FBXO34: variants seen among roughly 807,000 people sequenced by gnomAD.
FBXO34 encodes the protein F-box only protein 34.
FBXO34 carries 12 observed loss-of-function variants against 24.5 expected under a neutral mutation model. The ratio of observed to expected loss-of-function variants is 0.49; its 90% CI spans 0.31 to 0.79. The LOEUF (loss-of-function observed/expected upper bound fraction) is 0.79. FBXO34 is among the 30% of genes least tolerant of loss of function. The pLI, the probability that FBXO34 is intolerant of heterozygous loss-of-function variation, is 0.04. For synonymous variants in FBXO34, 320 were observed against 311.9 expected (o/e 1.03, Z -0.27); for missense variants, 823 against 857.7 (o/e 0.96, Z 0.51).
chr14:55,321,851 CT>C (rs1302690787), intron 1 of FBXO34, among the ~76,000 whole-genome samples: 3 of 152,238 alleles, frequency 2.0e-5, no homozygotes, highest in Non-Finnish European at 4.4e-5. Context: ...AAATACTCAT[CT>C]TTAGTGGACC....
intron 1 of FBXO34, among the ~76,000 whole-genome samples, chr14:55,339,958 G>A (rs1190117186): frequency 6.6e-6 from 1 of 152,124 alleles, no homozygotes; most frequent in Non-Finnish European, 1.5e-5. Context: ...ACACTATGGG[G>A]CCTATTTCTG....
chr14:55,380,674 G>C, the FBXO34 span: 1 of 1,604,368 alleles, frequency 6.2e-7, no homozygotes, highest in Non-Finnish European at 8.5e-7. Context: ...TGTAGGCAGG[G>C]TTACTCTGCT....
At chr14:55,391,141 T>C in the FBXO34 span, 1 of 571,054 alleles carries the variant, frequency 1.8e-6, no homozygotes, top group Non-Finnish European at 3.0e-6. Context: ...CTATGGAACA[T>C]TACGAAAAAG....
At chr14:55,321,939 TTTGTGATCAGAAATTCAAACCACATTGA>T (rs1468045370) in intron 1 of FBXO34, among the ~76,000 whole-genome samples, 9 of 152,244 alleles carry the variant, frequency 5.9e-5, no homozygotes, top group Non-Finnish European at 1.2e-4. Context: ...TTAACATGTA[TTTGTGATCAGAAATTCAAACCACATTGA>T]AATAGCTGCA....
the FBXO34 span, chr14:55,435,939 A>C: frequency 6.4e-7 from 1 of 1,555,130 alleles, no homozygotes; most frequent in Non-Finnish European, 8.7e-7. Flanking sequence ...ATATTCCTGA[A>C]GAAATAAGTC....
At chr14:55,278,184 A>G (rs1475981727) in intron 1 of FBXO34, among the ~76,000 whole-genome samples, 1 of 152,200 alleles carries the variant, frequency 6.6e-6, no homozygotes, top group Admixed American at 6.5e-5. Flanking sequence ...CATTGCCTAT[A>G]TGTAAAACAG....
At chr14:55,276,397 T>G (rs1881344161) in intron 1 of FBXO34, among the ~76,000 whole-genome samples, 2 of 152,236 alleles carry the variant, frequency 1.3e-5, no homozygotes, top group Non-Finnish European at 2.9e-5. Flanking sequence ...GTCTATCCAT[T>G]CATCAATCCT....
chr14:55,366,204 CATT>C (rs1473810230), downstream of FBXO34, among the ~76,000 whole-genome samples: 1 of 152,144 alleles, frequency 6.6e-6, no homozygotes, highest in Non-Finnish European at 1.5e-5. Context: ...TGGGAAAGAT[CATT>C]GTTAATACCA....
the FBXO34 span, chr14:55,380,658 TG>T: frequency 6.2e-7 from 1 of 1,609,672 alleles, no homozygotes; most frequent in Non-Finnish European, 8.5e-7. Context: ...AGCGCAGCAC[TG>T]ATGGTGTAGG....
rs761203293 is a variant in FBXO34, at chr14:55,350,777, T to G, written c.387T>G (p.Ser129Arg). The G allele has an allele frequency of 1.2e-6, 2 of 1,608,070 alleles. No individual in the cohort carries two copies. The highest frequency in any genetic ancestry group is 2.7e-5 in the African/African-American group (2 of 74,470). ...CATTCTTTGCATCCCACCAGTGTAGTAACAGGATAGGATCTATGAAAATAA... is the reference window on the plus strand; with the variant it reads ...CATTCTTTGCATCCCACCAGTGTAGGAACAGGATAGGATCTATGAAAATAA... ...KIAFFASHQC[S>R]NRIGSMKIKS... The change falls in exon 2 of 2, where the codon AGT (serine) becomes AGG (arginine). Residue 129 changes from serine to arginine, a missense_variant. By Grantham distance (110) the Ser-to-Arg change is moderately radical. Coordinates refer to ENST00000313833, the MANE Select transcript of FBXO34 (RefSeq NM_017943.4).
intron 1 of FBXO34, chr14:55,299,239 C>T: frequency 1.2e-6 from 1 of 843,086 alleles, no homozygotes; most frequent in Non-Finnish European, 2.1e-6. Context: ...AAGACGACGA[C>T]ATGAAGGATT....
intron 1 of FBXO34, among the ~76,000 whole-genome samples, chr14:55,314,531 G>C (rs1467300984): frequency 7.9e-6 from 1 of 126,090 alleles, no homozygotes; most frequent in Non-Finnish European, 1.8e-5. Flanking sequence ...GGAATGGATT[G>C]GGTATCATTA....
downstream of FBXO34, among the ~76,000 whole-genome samples, chr14:55,365,554 T>G (rs977189806): frequency 1.3e-5 from 2 of 152,166 alleles, no homozygotes; most frequent in African/African-American, 4.8e-5. Context: ...ATCTCCCCAC[T>G]ACCAATGACA....
chr14:55,327,638 A>C (rs1464371038), intron 1 of FBXO34, among the ~76,000 whole-genome samples: 1 of 152,146 alleles, frequency 6.6e-6, no homozygotes, highest in Non-Finnish European at 1.5e-5. Flanking sequence ...GTAGTACTGG[A>C]AAGTGCATAG....
intron 3 of FBXO34, among the ~76,000 whole-genome samples, chr14:55,361,184 A>G (rs759814762): frequency 1.3e-5 from 2 of 152,190 alleles, no homozygotes; most frequent in African/African-American, 2.4e-5. Flanking sequence ...TTGAAAGTCA[A>G]AATTACTCCT....
intron 1 of FBXO34, among the ~76,000 whole-genome samples, chr14:55,313,191 T>C (rs1187652168): frequency 6.6e-6 from 1 of 152,160 alleles, no homozygotes; most frequent in Admixed American, 6.5e-5. Context: ...AAGTTCAAAG[T>C]TCCACAGATC....
the FBXO34 span, among the ~76,000 whole-genome samples, chr14:55,380,875 AT>A: frequency 0.044 from 4,983 of 112,596 alleles, 189 homozygotes; most frequent in African/African-American, 0.14. Flanking sequence ...ATATATATAT[AT>A]TTTTTTTTTT....
the FBXO34 span, chr14:55,382,185 G>A: frequency 1.1e-5 from 18 of 1,614,106 alleles, no homozygotes; most frequent in Admixed American, 5.0e-5. Context: ...ACACATCTGC[G>A]GGGTCTCTAC....
intron 1 of FBXO34, among the ~76,000 whole-genome samples, chr14:55,327,763 G>A (rs951818072): frequency 6.6e-6 from 1 of 151,998 alleles, no homozygotes; most frequent in East Asian, 1.9e-4. Flanking sequence ...CATGGCCTCC[G>A]GTGGATTCCT....
Sources: allele counts gnomAD v4.1 joint callset (sites outside exome capture counted in the v4.1 genomes callset), GRCh38; gene constraint gnomAD v4.1.1; transcripts MANE v1.5; gene names NCBI Gene and HGNC (gene_info 2026-07-23, HGNC 2026-07-21).